The following MALRD1 variants were observed in gnomAD, a reference collection of about 807,000 sequenced individuals.
MALRD1 encodes MAM and LDL-receptor class A domain-containing protein 1.
A neutral mutation model predicts 242.1 loss-of-function variants in MALRD1; 247 were observed. That is an observed-to-expected ratio of 1.02 (90% CI 0.92 to 1.13). The LOEUF (loss-of-function observed/expected upper bound fraction) is 1.13. Among genes scored for constraint, MALRD1 ranks in the 50% most tolerant of loss-of-function variants. The pLI, the probability that MALRD1 is intolerant of heterozygous loss-of-function variation, is 0.00. For synonymous variants in MALRD1, 995 were observed against 866.6 expected, an observed-to-expected ratio of 1.15 and a Z score of -2.60; for missense variants, 2,989 against 2,533.1, an observed-to-expected ratio of 1.18 and a Z score of -3.86.
intron 34 of MALRD1, among the ~76,000 whole-genome samples, chr10:19,605,464 G>A (rs1464089224): frequency 1.3e-5 from 2 of 149,294 alleles, no homozygotes; most frequent in Admixed American, 1.3e-4. Flanking sequence ...CACTGCGCCT[G>A]GACCAGCTTT....
At chr10:19,502,846 G>A (rs565609729) in intron 31 of MALRD1, among the ~76,000 whole-genome samples, 1 of 152,224 alleles carries the variant, frequency 6.6e-6, no homozygotes, top group Non-Finnish European at 1.5e-5. Context: ...ATAGTCAATA[G>A]ATATGAGAAA....
chr10:19,244,920 G>A lies in MALRD1; in HGVS notation c.2992-12764G>A, dbSNP rs189645625. On this transcript the variant is annotated intron_variant, in intron 18 of 39. Transcript: ENST00000454679. ...AGGTGGTTGCTTCTCTGCACCTCCC[G>A]TAGGTGGCCAGTGAACTAAGACCAT... is the stretch of plus-strand genomic sequence containing the variant. Among the ~76,000 whole-genome samples, 6 of 152,234 alleles carry A rather than the reference G, an allele frequency of 3.9e-5. No homozygotes were observed. In the East Asian group the frequency reaches 1.2e-3, roughly 29 times the overall value.
intron 18 of MALRD1, among the ~76,000 whole-genome samples, chr10:19,216,256 T>A (rs950920091): frequency 1.3e-5 from 2 of 151,788 alleles, no homozygotes. Flanking sequence ...TAGCTGGGAC[T>A]ATAGGTGCCT....
intron 17 of MALRD1, among the ~76,000 whole-genome samples, chr10:19,208,546 G>A (rs937800093): frequency 1.3e-5 from 2 of 152,138 alleles, no homozygotes; most frequent in African/African-American, 4.8e-5. Context: ...GATGCGTAGG[G>A]ACTCTAGGAT....
intron 12 of MALRD1, among the ~76,000 whole-genome samples, chr10:19,157,540 C>T (rs1380142537): frequency 6.6e-6 from 1 of 152,096 alleles, no homozygotes; most frequent in African/African-American, 2.4e-5. Flanking sequence ...AGCCACCGCA[C>T]CCAGTCGATA....
intron 29 of MALRD1, among the ~76,000 whole-genome samples, chr10:19,451,118 A>G (rs1452294857): frequency 1.3e-5 from 2 of 152,230 alleles, no homozygotes; most frequent in Non-Finnish European, 2.9e-5. Context: ...TAACATGGAT[A>G]ATTTTTCCCT....
At chr10:19,268,292 A>G (rs1357210086) in intron 19 of MALRD1, among the ~76,000 whole-genome samples, 2 of 152,184 alleles carry the variant, frequency 1.3e-5, no homozygotes, top group Non-Finnish European at 2.9e-5. Flanking sequence ...GCTATAACAC[A>G]GTTGTTATAA....
intron 14 of MALRD1, among the ~76,000 whole-genome samples, chr10:19,190,596 G>A (rs1384638118): frequency 6.6e-6 from 1 of 150,482 alleles, no homozygotes; most frequent in Non-Finnish European, 1.5e-5. Context: ...AAAGACCAAT[G>A]TATAGATCAG....
chr10:19,266,276 C>T (rs1839973088), intron 19 of MALRD1, among the ~76,000 whole-genome samples: 1 of 151,562 alleles, frequency 6.6e-6, no homozygotes, highest in Non-Finnish European at 1.5e-5. Context: ...CTAGCTGTTT[C>T]GTAGATCTTT....
intron 11 of MALRD1, among the ~76,000 whole-genome samples, chr10:19,146,995 C>T (rs899140190): frequency 4.6e-5 from 7 of 152,128 alleles, no homozygotes; most frequent in African/African-American, 1.7e-4. Context: ...TCCCCATATA[C>T]GTTAGCATCG....
At position 19,674,314 on chromosome 10, in the gene MALRD1, A is replaced by G. The variant is rs72782170; in HGVS notation, c.6138-17968A>G. ...AAGCCTAGCAAATAGAAGGTACTCA[A>G]TGATTACTCGGTAGCCAACATGTTC... On this transcript the variant is annotated intron_variant, in intron 36 of 39. Coordinates refer to ENST00000454679, the MANE Select transcript of MALRD1 (RefSeq NM_001142308.3). Among the ~76,000 whole-genome samples the G allele has an allele frequency of 1.9e-3, 289 of 152,338 alleles. 1 individual carries two copies. The highest frequency in any genetic ancestry group is 3.4e-3 in the Non-Finnish European group (228 of 68,030).
chr10:19,376,542 CTTTTTTTTTTT>C (rs57836152), intron 26 of MALRD1, among the ~76,000 whole-genome samples: 153 of 94,988 alleles, frequency 1.6e-3, no homozygotes, highest in East Asian at 0.016. Flanking sequence ...TTGATACATT[CTTTTTTTTTTT>C]TTTTTTTTTT....
chr10:19,325,070 C>G (rs374285221), intron 22 of MALRD1, among the ~76,000 whole-genome samples: 1 of 93,792 alleles, frequency 1.1e-5, no homozygotes, highest in African/African-American at 4.2e-5. Flanking sequence ...TTGTGATGTT[C>G]TAACTCAATT....
At chr10:19,650,224 A>G (rs1326982) in intron 36 of MALRD1, among the ~76,000 whole-genome samples, 16,639 of 152,216 alleles carry the variant, frequency 0.11, 2,322 homozygotes, top group African/African-American at 0.32. Flanking sequence ...ATCCTATCTG[A>G]AAAAGTCTAC....
intron 31 of MALRD1, among the ~76,000 whole-genome samples, chr10:19,512,227 A>G (rs941843761): frequency 1.3e-5 from 2 of 152,122 alleles, no homozygotes; most frequent in African/African-American, 2.4e-5. Flanking sequence ...TACATGGTAA[A>G]CATATACTCT....
At chr10:19,269,206 A>C (rs1177962713) in intron 19 of MALRD1, among the ~76,000 whole-genome samples, 1 of 152,230 alleles carries the variant, frequency 6.6e-6, no homozygotes, top group Non-Finnish European at 1.5e-5. Flanking sequence ...CATATCTTGA[A>C]ACCTTAATCC....
chr10:19,171,611 CATAT>C (rs61674193), intron 13 of MALRD1, among the ~76,000 whole-genome samples: 84 of 43,350 alleles, frequency 1.9e-3, no homozygotes, highest in African/African-American at 8.1e-3. Context: ...TACACACACA[CATAT>C]ATGTCTATGT....
At chr10:19,061,311 C>T (rs1012661759) in intron 1 of MALRD1, among the ~76,000 whole-genome samples, 1 of 152,088 alleles carries the variant, frequency 6.6e-6, no homozygotes, top group Non-Finnish European at 1.5e-5. Flanking sequence ...TATTCTGTGT[C>T]CATAGATTGG....
chr10:19,337,191 A>T (rs1320595208), intron 24 of MALRD1, among the ~76,000 whole-genome samples: 1 of 152,170 alleles, frequency 6.6e-6, no homozygotes, highest in Non-Finnish European at 1.5e-5. Context: ...GTATATAAGT[A>T]AGCTAGACAA....
Sources: gnomAD v4.1 joint callset for allele counts (sites outside exome capture counted in the v4.1 genomes callset) on GRCh38, gnomAD v4.1.1 for gene constraint, MANE v1.5 for transcripts, NCBI Gene and HGNC (gene_info 2026-07-23, HGNC 2026-07-21) for gene names.